Variants in PARVG observed in about 807,000 individuals in gnomAD.
The protein encoded by PARVG is parvin gamma.
Under a neutral mutation model 44.4 loss-of-function variants are expected in PARVG, and 36 were observed. That is an observed-to-expected ratio of 0.81 (90% CI 0.62 to 1.07). The LOEUF (loss-of-function observed/expected upper bound fraction) is 1.07. Ranked by LOEUF, PARVG falls within the 50% of genes least tolerant of loss-of-function variation. PARVG has a pLI of 0.00. For synonymous variants in PARVG, 170 were observed against 174.1 expected, an observed-to-expected ratio of 0.98 and a Z score of 0.19; for missense variants, 407 against 407.4, an observed-to-expected ratio of 1.00 and a Z score of 0.01.
At position 44,206,384 on chromosome 22, in the gene PARVG, G is replaced by A; in HGVS notation, c.954G>A (p.Gln318=). The A allele has an allele frequency of 6.2e-7, 1 of 1,614,090 alleles. No homozygotes were observed. Among genetic ancestry groups the A allele is most frequent in the South Asian group, 1.1e-5 (1 of 91,086 alleles). The change falls in exon 14 of 14, where the codon CAG becomes CAA. Residue 318 remains glutamine (Q), a synonymous_variant. Coordinates refer to ENST00000444313, the MANE Select transcript of PARVG (RefSeq NM_022141.7). ...ATGGTCTGTTCTGCAAGCACACGCA[G>A]AAGGCACACAGGGACAGGACGCCCC... The part of the protein sequence containing the change: ...VLYGLFCKHT[Q]KAHRDRTPHG...
At chr22:44,203,197 G>A (rs1247085775) in intron 12 of PARVG, among the ~76,000 whole-genome samples, 1 of 152,220 alleles carries the variant, frequency 6.6e-6, no homozygotes, top group Non-Finnish European at 1.5e-5. Context: ...TATGAGGGCA[G>A]GAGGTCTGGT....
At position 44,183,427 on chromosome 22, in the gene PARVG, C is replaced by G; in HGVS notation, c.79+19C>G. On this transcript the variant is annotated intron_variant, in intron 3 of 13. Transcript: ENST00000444313. ...TCAAAAGGTGTGTGCCCACGCAGGTCTGAGGGTGGAGGGTGAAGGTCTGTG... is the reference window on the plus strand; with the variant it reads ...TCAAAAGGTGTGTGCCCACGCAGGTGTGAGGGTGGAGGGTGAAGGTCTGTG... 1.3e-6 allele frequency: 2 copies of G among 1,577,336 alleles called. No individual in the cohort carries two copies. The highest frequency in any genetic ancestry group is 1.2e-5 in the South Asian group (1 of 85,600).
In PARVG at chr22:44,181,724, C is replaced by A. The variant is rs868859113; in HGVS notation, c.-188-18C>A. 5.7e-5 allele frequency: 56 copies of A among 985,312 alleles called. No individual in the cohort carries two copies. Among genetic ancestry groups the A allele is most frequent in the South Asian group, 9.4e-5 (2 of 21,290 alleles). 61.0% of individuals were successfully genotyped at this position (985,312 alleles called of 1,614,324 possible). On this transcript the variant is annotated intron_variant, in intron 1 of 13. Coordinates refer to ENST00000444313, the MANE Select transcript of PARVG (RefSeq NM_022141.7). Reference sequence around the variant, plus strand: ...GCTTCACTTTCACGGCATCCACCCCCCTCGGGCCCTGCCGCAGAGAGGAGG... The same window carrying A: ...GCTTCACTTTCACGGCATCCACCCCACTCGGGCCCTGCCGCAGAGAGGAGG...
rs139127 is a variant in PARVG at position 44,182,408 on chromosome 22, G to C, written c.-13+491G>C. On this transcript the variant is annotated intron_variant, in intron 2 of 13. Coordinates refer to ENST00000444313, the MANE Select transcript of PARVG (RefSeq NM_022141.7). This position sits in a 1 kb window ranked among gnomAD's most constrained non-coding sequence, Gnocchi z 4.6. ...TGGCCCTCAGCTTGGATATTAAGGG[G>C]CTGGGAGTCAGTTGTGTCCCCACCA... Among the ~76,000 whole-genome samples, 1 of 152,118 alleles carries C rather than the reference G, an allele frequency of 6.6e-6. No homozygotes were observed. Among genetic ancestry groups the C allele is most frequent in the African/African-American group, 2.4e-5 (1 of 41,428 alleles).
intron 8 of PARVG, among the ~76,000 whole-genome samples, chr22:44,193,422 G>A (rs1214324410): frequency 6.6e-6 from 1 of 152,130 alleles, no homozygotes; most frequent in Non-Finnish European, 1.5e-5. Flanking sequence ...GGTGCTGGGA[G>A]GTTCTGCAGC....
chr22:44,197,939 T>G (rs951854023), intron 11 of PARVG, among the ~76,000 whole-genome samples: 1 of 152,200 alleles, frequency 6.6e-6, no homozygotes, highest in African/African-American at 2.4e-5. Flanking sequence ...CAGAGACTCA[T>G]GGCATGTGCA....
chr22:44,183,723 C>G (rs1018222310), intron 3 of PARVG: 2 of 417,642 alleles, frequency 4.8e-6, no homozygotes, highest in African/African-American at 4.1e-5. Flanking sequence ...CATTTATTCT[C>G]AAGGGCGGGC....
At chr22:44,185,785 T>C (rs773340978) in intron 3 of PARVG, 23 bp from the exon 4 acceptor site, 36 of 1,604,004 alleles carry the variant, frequency 2.2e-5, no homozygotes, top group Middle Eastern at 3.3e-4. Context: ...CCCATGCGCT[T>C]GTCATACCCA....
chr22:44,184,021 T>G (rs1177841449), intron 3 of PARVG: 1 of 163,118 alleles, frequency 6.1e-6, no homozygotes, highest in Non-Finnish European at 1.3e-5. Context: ...AGTAAAGCTC[T>G]GTGTCATGAG....
intron 11 of PARVG, among the ~76,000 whole-genome samples, chr22:44,197,254 C>A (rs1471997028): frequency 1.3e-5 from 2 of 152,142 alleles, no homozygotes; most frequent in Non-Finnish European, 2.9e-5. Context: ...TTAATGTACT[C>A]CCATGCCTAG....
chr22:44,198,691 T>A lies in PARVG; in HGVS notation c.782T>A (p.Phe261Tyr), dbSNP rs1277214285. The A allele has an allele frequency of 6.2e-7, 1 of 1,613,562 alleles. No homozygotes were observed. Among genetic ancestry groups the A allele is most frequent in the South Asian group, 1.1e-5 (1 of 91,074 alleles). Residue 261 changes from phenylalanine to tyrosine, a missense_variant, in exon 12 of 14, where the codon TTC (phenylalanine) becomes TAC (tyrosine). By Grantham distance (22) the Phe-to-Tyr change is conservative (BLOSUM62 3). Transcript: ENST00000444313. ...GGCTTCTTCCTGCACTTAAAGGAAT[T>A]CTACCTCACTCCCAACTCTCCTGCA... ...LEGFFLHLKE[F>Y]YLTPNSPAEM...
intron 4 of PARVG, chr22:44,187,508 A>G (rs1473104573): frequency 1.9e-6 from 1 of 535,434 alleles, no homozygotes; most frequent in East Asian, 3.1e-5. Context: ...GTAGTACCCC[A>G]CTTCCTGGTA....
chr22:44,185,973 C>T, intron 4 of PARVG, 101 bp downstream of exon 4: 3 of 1,211,090 alleles, frequency 2.5e-6, no homozygotes, highest in East Asian at 2.6e-5. Flanking sequence ...CACTCCTTGG[C>T]CTCAGGCTGG....
intron 9 of PARVG, among the ~76,000 whole-genome samples, chr22:44,194,543 T>G (rs565782658): frequency 6.8e-6 from 1 of 146,652 alleles, no homozygotes; most frequent in African/African-American, 2.6e-5. Context: ...ATTCTTCCAT[T>G]CATCTATCCA....
chr22:44,183,936 TCA>T (rs2054424559), intron 3 of PARVG: 1 of 281,292 alleles, frequency 3.6e-6, no homozygotes, highest in African/African-American at 2.2e-5. Context: ...CGTGCTCCCC[TCA>T]CACGTGTGGG....
chr22:44,179,092 CATATTTGCACAGGT>C (rs2054344509), upstream of PARVG, among the ~76,000 whole-genome samples: 1 of 151,318 alleles, frequency 6.6e-6, no homozygotes, highest in Non-Finnish European at 1.5e-5. The surrounding 1 kb of genome is among the most constrained non-coding windows in gnomAD (Gnocchi z 4.2). Flanking sequence ...TAGTGTTTGG[CATATTTGCACAGGT>C]ATATTTCACA....
Position 44,182,213 on chromosome 22 carries a change from G to C in PARVG, c.-13+296G>C, listed in dbSNP as rs910218808. ...TGGGGCCAGGAAGGGGCTTGCCCAG[G>C]CTGCTGATCCCTTTGGGCAGCATCG... On this transcript the variant is annotated intron_variant, in intron 2 of 13. Coordinates refer to ENST00000444313, the MANE Select transcript of PARVG (RefSeq NM_022141.7). This position sits in a 1 kb window ranked among gnomAD's most constrained non-coding sequence, Gnocchi z 4.6. Among the ~76,000 whole-genome samples the C allele has an allele frequency of 2.6e-5, 4 of 152,150 alleles. No individual in the cohort carries two copies. The highest frequency in any genetic ancestry group is 9.7e-5 in the African/African-American group (4 of 41,416).
chr22:44,176,812 G>A (rs533479559), upstream of PARVG, among the ~76,000 whole-genome samples: 27 of 152,274 alleles, frequency 1.8e-4, no homozygotes, highest in Admixed American at 7.8e-4. Flanking sequence ...TGGACTCACC[G>A]TTCCACATGG....
intron 12 of PARVG, among the ~76,000 whole-genome samples, chr22:44,201,771 G>A (rs2054712888): frequency 6.6e-6 from 1 of 152,118 alleles, no homozygotes; most frequent in African/African-American, 2.4e-5. Flanking sequence ...TCACTCCTCC[G>A]AGGACTGGAT....
Sources: allele counts gnomAD v4.1 joint callset (sites outside exome capture counted in the v4.1 genomes callset), GRCh38; gene constraint gnomAD v4.1.1; non-coding constraint Gnocchi (gnomAD v3.1); transcripts MANE v1.5; gene names NCBI Gene and HGNC (gene_info 2026-07-23, HGNC 2026-07-21).